TERF2IP: variants seen among roughly 807,000 people sequenced by gnomAD.
TERF2IP encodes the protein TERF2 interacting protein.
Under a neutral mutation model 33.3 loss-of-function variants are expected in TERF2IP, and 35 were observed. The observed-to-expected ratio is 1.05, with a 90% CI of 0.80 to 1.39. The LOEUF is 1.39. TERF2IP is among the 40% of genes most tolerant of loss of function. The probability of loss-of-function intolerance (pLI) is 0.00; values close to 1 mark genes in which losing one functional copy is unlikely to be tolerated. For missense variants in TERF2IP, 583 were observed against 524.8 expected (o/e 1.11, Z -1.08); for synonymous variants, 253 against 223.2 (o/e 1.13, Z -1.19).
chr16:75,655,505 A>C (rs2151820422), intron 2 of TERF2IP, among the ~76,000 whole-genome samples: 1 of 152,218 alleles, frequency 6.6e-6, no homozygotes, highest in South Asian at 2.1e-4. Flanking sequence ...GAAGGGATGC[A>C]CAGGAATTGA....
At position 75,647,990 on chromosome 16, in the gene TERF2IP, C is replaced by A. The variant is rs2082313102; in HGVS notation, c.108C>A (p.Ser36Arg). The change falls in exon 1 of 3, where the codon AGC (serine) becomes AGA (arginine). Residue 36 changes from serine (S) to arginine (R), a missense_variant. By Grantham distance (110) the Ser-to-Arg change is moderately radical. Transcript: ENST00000300086. ...GSSMSFYVRPSPAKRRLSTLI... is the reference protein window; with the variant it reads ...GSSMSFYVRPRPAKRRLSTLI... ...CCATGTCCTTCTACGTGCGGCCCAG[C>A]CCGGCCAAGCGTCGGCTGTCGACGC... 6.2e-7 allele frequency: 1 copy of A among 1,613,568 alleles called. No individual in the cohort carries two copies. Among genetic ancestry groups the A allele is most frequent in the African/African-American group, 1.3e-5 (1 of 75,068 alleles).
chr16:75,651,436 C>G (rs2082346423), intron 1 of TERF2IP, among the ~76,000 whole-genome samples: 1 of 152,124 alleles, frequency 6.6e-6, no homozygotes, highest in African/African-American at 2.4e-5. Flanking sequence ...TGCCTGTAAT[C>G]CTAGCACTTT....
At chr16:75,654,252 T>C (rs35909433) in intron 1 of TERF2IP, 21 bp from the exon 2 acceptor site, 1 of 1,606,476 alleles carries the variant, frequency 6.2e-7, no homozygotes. Context: ...TGCTAATCTG[T>C]GCTGTTCTTC....
intron 1 of TERF2IP, among the ~76,000 whole-genome samples, chr16:75,653,967 CAA>C (rs946912460): frequency 6.6e-6 from 1 of 152,114 alleles, no homozygotes; most frequent in Non-Finnish European, 1.5e-5. Flanking sequence ...TATTAATTTG[CAA>C]AGTCTGTAAC....
chr16:75,649,568 C>T (rs2082331727), intron 1 of TERF2IP, among the ~76,000 whole-genome samples: 1 of 151,972 alleles, frequency 6.6e-6, no homozygotes, highest in African/African-American at 2.4e-5. Context: ...ATTATCTCGT[C>T]CTTCCTGTCC....
Position 75,648,073 on chromosome 16 carries a change from T to C in TERF2IP, c.191T>C (p.Leu64Pro), listed in dbSNP as rs964878124. The change falls in exon 1 of 3, where the codon CTG becomes CCG. Residue 64 changes from leucine to proline, a missense_variant. Transcript: ENST00000300086. ...GTGCAGGAGCCCGGGGCCGTGCTGC[T>C]GGCCCAGCCCGGGGAGGCGCTGGCC... ...CRVQEPGAVL[L>P]AQPGEALAEA... 1 of 1,581,474 alleles carries C rather than the reference T, an allele frequency of 6.3e-7. No homozygotes were observed. Among genetic ancestry groups the C allele is most frequent in the South Asian group, 1.1e-5 (1 of 88,836 alleles).
At position 75,656,508 on chromosome 16, in the gene TERF2IP, A is replaced by G. The variant is rs746068598; in HGVS notation, c.1097A>G (p.Asp366Gly). The change falls in exon 3 of 3, where the codon GAT becomes GGT. Residue 366 changes from aspartate to glycine, a missense_variant. Coordinates refer to ENST00000300086, the MANE Select transcript of TERF2IP (RefSeq NM_018975.4). ...ADGYPIWSRQ[D>G]DIDLQKDDED... is the part of the protein sequence containing the mutation. ...GGATATCCCATTTGGTCCCGACAAG[A>G]TGACATAGATTTGCAAAAAGATGAT... The G allele has an allele frequency of 2.5e-6, 4 of 1,614,224 alleles. No individual in the cohort carries two copies. The South Asian group carries it at 3.3e-5, about 13-fold the overall frequency.
Position 75,649,031 on chromosome 16 carries a change from TAAA to T in TERF2IP, c.670+487_670+489del, listed in dbSNP as rs199548999. On this transcript the variant is annotated intron_variant, in intron 1 of 2. Transcript: ENST00000300086. ...CCCGCGCCACCACGTCCCGCTAAATTAAAAAAAAAATTGTTGTAGAGATGGGGG... is the reference window on the plus strand; with the variant it reads ...CCCGCGCCACCACGTCCCGCTAAATTAAAAAAATTGTTGTAGAGATGGGGG... Among the ~76,000 whole-genome samples, 5 of 148,468 alleles carry T rather than the reference TAAA, an allele frequency of 3.4e-5. No homozygotes were observed. In the South Asian group the frequency reaches 1.1e-3, roughly 32 times the overall value.
chr16:75,650,659 C>A (rs1487036953), intron 1 of TERF2IP, among the ~76,000 whole-genome samples: 5 of 152,180 alleles, frequency 3.3e-5, no homozygotes, highest in Admixed American at 3.3e-4. Context: ...CCTCAGCTTT[C>A]CAAGTAGCTG....
At chr16:75,648,770 G>A (rs779713230) in intron 1 of TERF2IP, 1 of 1,334,522 alleles carries the variant, frequency 7.5e-7, no homozygotes, top group Admixed American at 3.0e-5. Flanking sequence ...ACCTAAGCTG[G>A]TCTGAACTCC....
Position 75,648,234 on chromosome 16 carries a change from C to G in TERF2IP, c.352C>G (p.Leu118Val), listed in dbSNP as rs1208209834. The G allele has an allele frequency of 7.1e-6, 11 of 1,545,296 alleles. No individual in the cohort carries two copies. The highest frequency in any genetic ancestry group is 8.7e-6 in the Non-Finnish European group (10 of 1,145,240). ...DTGSEAKPGA[L>V]AEGAAEPEPQ... ...CGGCTCGGAAGCAAAGCCCGGGGCCCTGGCCGAGGGCGCCGCGGAGCCGGA... is the reference window on the plus strand; with the variant it reads ...CGGCTCGGAAGCAAAGCCCGGGGCCGTGGCCGAGGGCGCCGCGGAGCCGGA... The change falls in exon 1 of 3, where the codon CTG becomes GTG. Residue 118 changes from leucine (L) to valine (V), a missense_variant. Leu to Val is a conservative substitution (Grantham distance 32). Coordinates refer to ENST00000300086, the MANE Select transcript of TERF2IP (RefSeq NM_018975.4).
chr16:75,652,618 T>G (rs1466388449), intron 1 of TERF2IP, among the ~76,000 whole-genome samples: 1 of 152,254 alleles, frequency 6.6e-6, no homozygotes, highest in Non-Finnish European at 1.5e-5. Flanking sequence ...TTTTAGTTAC[T>G]ATTTAAGAAT....
At chr16:75,650,368 A>G (rs543800698) in intron 1 of TERF2IP, among the ~76,000 whole-genome samples, 12 of 152,278 alleles carry the variant, frequency 7.9e-5, no homozygotes, top group South Asian at 2.1e-4. Context: ...AGCCAGGGCA[A>G]TCGCCCTTAG....
chr16:75,656,253 A>T lies in TERF2IP; in HGVS notation c.842A>T (p.Asp281Val), dbSNP rs753009529. 2 of 1,613,896 alleles carry T rather than the reference A, an allele frequency of 1.2e-6. No homozygotes were observed. Among genetic ancestry groups the T allele is most frequent in the Non-Finnish European group, 1.7e-6 (2 of 1,179,990 alleles). Reference protein sequence around the residue: ...PDFEIHITMCDDDPPTPEEDS... With the variant: ...PDFEIHITMCVDDPPTPEEDS... ...TTTGAAATACATATAACTATGTGTGATGATGATCCACCCACACCTGAGGAA... is the reference window on the plus strand; with the variant it reads ...TTTGAAATACATATAACTATGTGTGTTGATGATCCACCCACACCTGAGGAA... Residue 281 changes from aspartate (D) to valine (V), a missense_variant, in exon 3 of 3, where the codon GAT becomes GTT. Asp to Val is a radical substitution (Grantham distance 152, BLOSUM62 -3). Transcript: ENST00000300086.
chr16:75,654,495 G>A, intron 2 of TERF2IP, 98 bp downstream of exon 2: 2 of 1,290,556 alleles, frequency 1.5e-6, no homozygotes, highest in Non-Finnish European at 2.1e-6. Context: ...TGGGGCTCAG[G>A]AAAGTGAGAG....
rs765975566 is a variant in TERF2IP at position 75,656,569 on chromosome 16, T to C, written c.1158T>C (p.Gly386=). The stretch of plus-strand genomic sequence containing the variant: ...GAGAGGCATTGGTCAAAAAATTTGG[T>C]GCTCAGAATGTAGCTCGGAGGATTG... The part of the protein sequence containing the change: ...DTREALVKKF[G]AQNVARRIEF... The change falls in exon 3 of 3, where the codon GGT becomes GGC. Residue 386 remains glycine (G), a synonymous_variant. Coordinates refer to ENST00000300086, the MANE Select transcript of TERF2IP (RefSeq NM_018975.4). 1.2e-6 allele frequency: 2 copies of C among 1,612,588 alleles called. No homozygotes were observed. The highest frequency in any genetic ancestry group is 1.1e-5 in the South Asian group (1 of 90,784).
chr16:75,650,296 C>G (rs969753435), intron 1 of TERF2IP, among the ~76,000 whole-genome samples: 3 of 151,966 alleles, frequency 2.0e-5, no homozygotes, highest in Non-Finnish European at 4.4e-5. Context: ...AAGCAGAGAC[C>G]GAAGGAAGTG....
At chr16:75,650,976 T>G (rs1342022596) in intron 1 of TERF2IP, among the ~76,000 whole-genome samples, 1 of 152,132 alleles carries the variant, frequency 6.6e-6, no homozygotes, top group African/African-American at 2.4e-5. Context: ...ATTAAAAAAT[T>G]CTAAAATGAG....
At chr16:75,654,530 A>G in intron 2 of TERF2IP, 133 bp downstream of exon 2, 1 of 971,262 alleles carries the variant, frequency 1.0e-6, no homozygotes, top group Non-Finnish European at 1.5e-6. Flanking sequence ...GAAAGGGAAA[A>G]TGGAAAATGG....
Sources: allele counts gnomAD v4.1 joint callset (sites outside exome capture counted in the v4.1 genomes callset), GRCh38; gene constraint gnomAD v4.1.1; transcripts MANE v1.5; gene names NCBI Gene and HGNC (gene_info 2026-07-23, HGNC 2026-07-21).